CFAP57: variants seen among roughly 807,000 people sequenced by gnomAD.
CFAP57 encodes the protein cilia and flagella associated protein 57.
Under a neutral mutation model 146.8 loss-of-function variants are expected in CFAP57, and 116 were observed. The ratio of observed to expected loss-of-function variants is 0.79; its 90% CI spans 0.68 to 0.92. The LOEUF (loss-of-function observed/expected upper bound fraction) is 0.92. Ranked by LOEUF, CFAP57 falls within the 40% of genes least tolerant of loss-of-function variation. The pLI, the probability that CFAP57 is intolerant of heterozygous loss-of-function variation, is 0.00. For missense variants in CFAP57, 1,377 were observed against 1,527.2 expected (o/e 0.90, Z 1.64); for synonymous variants, 518 against 552.8 (o/e 0.94, Z 0.88).
At chr1:43,178,489 C>G (rs142602967) in intron 2 of CFAP57, among the ~76,000 whole-genome samples, 2,169 of 152,276 alleles carry the variant, frequency 0.014, 51 homozygotes, top group African/African-American at 0.05. Flanking sequence ...TGAACAGACA[C>G]TTCTCAAAAG....
rs144227313 is a variant in CFAP57, at chr1:43,185,457, C to T, written c.969+101C>T. 3.3e-3 allele frequency: 3,591 copies of T among 1,102,986 alleles called. 51 individuals carry two copies. Among genetic ancestry groups the T allele is most frequent in the South Asian group, 0.022 (1,663 of 76,408 alleles). The allele number at this position is 1,102,986 out of a possible 1,614,324, so 68.3% of individuals were successfully genotyped here. On this transcript the variant is annotated intron_variant, in intron 5 of 22. Transcript: ENST00000372492. Reference sequence around the variant, plus strand: ...AGGCATCTGATGGGGAGGGATAGGGCAGGATTGCTGAGCAGAAATGGTGAA... The same window carrying T: ...AGGCATCTGATGGGGAGGGATAGGGTAGGATTGCTGAGCAGAAATGGTGAA...
chr1:43,222,796 G>T, intron 15 of CFAP57, 28 bp from the exon 16 acceptor site: 1 of 1,512,776 alleles, frequency 6.6e-7, no homozygotes, highest in South Asian at 1.3e-5. Context: ...CTTCTCCCCT[G>T]ACCACACGCC....
chr1:43,209,302 C>T (rs1490903244), intron 10 of CFAP57, among the ~76,000 whole-genome samples: 6 of 152,156 alleles, frequency 3.9e-5, no homozygotes, highest in Non-Finnish European at 7.3e-5. Flanking sequence ...TGCACCCATG[C>T]ATAGCAGTCA....
intron 6 of CFAP57, among the ~76,000 whole-genome samples, chr1:43,195,259 C>T (rs940200428): frequency 6.6e-6 from 1 of 152,158 alleles, no homozygotes; most frequent in Non-Finnish European, 1.5e-5. Context: ...TGTGATGGCT[C>T]ACACCTATAA....
chr1:43,233,946 G>C (rs997835642), intron 19 of CFAP57, among the ~76,000 whole-genome samples: 1 of 152,136 alleles, frequency 6.6e-6, no homozygotes, highest in African/African-American at 2.4e-5. Context: ...GTGACCACAT[G>C]AGCTTCCTTT....
chr1:43,211,048 C>T (rs1644586521), intron 11 of CFAP57, among the ~76,000 whole-genome samples: 2 of 151,986 alleles, frequency 1.3e-5, no homozygotes, highest in Non-Finnish European at 2.9e-5. Context: ...TTGAATGACA[C>T]AGCACCTGAG....
At chr1:43,197,783 A>G in intron 7 of CFAP57, 91 bp downstream of exon 7, 3 of 1,540,890 alleles carry the variant, frequency 1.9e-6, no homozygotes, top group Non-Finnish European at 2.7e-6. Context: ...CCAAACTTTA[A>G]TTATTTAGAA....
chr1:43,222,208 T>C lies in CFAP57; in HGVS notation c.2445T>C (p.Asp815=). Residue 815 remains aspartate, a synonymous_variant, in exon 15 of 23, where the codon GAT becomes GAC. Transcript: ENST00000372492. The part of the protein sequence containing the change: ...MQEEYEKQLR[D]NDETKSQALE... Reference sequence around the variant, plus strand: ...AAGAGTATGAAAAACAGCTCCGGGATAACGATGAGACCAAGAGCCAGGCCC... The same window carrying C: ...AAGAGTATGAAAAACAGCTCCGGGACAACGATGAGACCAAGAGCCAGGCCC... 1 of 1,539,170 alleles carries C rather than the reference T, an allele frequency of 6.5e-7. No homozygotes were observed. Among genetic ancestry groups the C allele is most frequent in the South Asian group, 1.2e-5 (1 of 82,212 alleles).
chr1:43,203,955 T>G (rs61775868), intron 9 of CFAP57, among the ~76,000 whole-genome samples: 4,848 of 152,334 alleles, frequency 0.032, 115 homozygotes, highest in Non-Finnish European at 0.042. Flanking sequence ...CCTAGTGCTC[T>G]CATTACAGTA....
rs998587997 is a variant in CFAP57, at chr1:43,234,500, G to A, written c.3267G>A (p.Glu1089=). 6.5e-7 allele frequency: 1 copy of A among 1,548,464 alleles called. No individual in the cohort carries two copies. Among genetic ancestry groups the A allele is most frequent in the Non-Finnish European group, 8.7e-7 (1 of 1,145,778 alleles). The change falls in exon 21 of 23, where the codon GAG becomes GAA. Residue 1089 remains glutamate, a synonymous_variant. Transcript: ENST00000372492. The part of the protein sequence containing the change: ...EKYVQRADMV[E]IAGLNTDLQQ... ...AATCTCCTGGGCCCCGTCAGGTGGAGATCGCAGGGCTGAACACAGACCTGC... is the reference window on the plus strand; with the variant it reads ...AATCTCCTGGGCCCCGTCAGGTGGAAATCGCAGGGCTGAACACAGACCTGC...
intron 17 of CFAP57, 51 bp from the exon 18 acceptor site, chr1:43,226,932 G>T: frequency 1.4e-6 from 2 of 1,445,154 alleles, no homozygotes; most frequent in Non-Finnish European, 1.8e-6. Context: ...AAGGGCTGCA[G>T]TATACCAGGG....
chr1:43,197,123 G>GT (rs2124414113), intron 6 of CFAP57, among the ~76,000 whole-genome samples: 1 of 152,268 alleles, frequency 6.6e-6, no homozygotes, highest in Admixed American at 6.5e-5. Context: ...GGAGGCCAAG[G>GT]TGGGCGGATC....
intron 6 of CFAP57, among the ~76,000 whole-genome samples, chr1:43,187,186 A>C (rs1643183881): frequency 1.3e-5 from 2 of 152,234 alleles, no homozygotes; most frequent in East Asian, 3.8e-4. Flanking sequence ...ACAAATATGT[A>C]TATATAAAAA....
Position 43,254,061 on chromosome 1 carries a change from G to A in CFAP57, c.3623G>A (p.Arg1208His), listed in dbSNP as rs191428531. ...ACTGGGAGGATCATTGAAATGCAGCGCCTAGAAATCCAGCGCCTCAGAGAC... is the reference window on the plus strand; with the variant it reads ...ACTGGGAGGATCATTGAAATGCAGCACCTAGAAATCCAGCGCCTCAGAGAC... ...EETGRIIEMQ[R>H]LEIQRLRDQI... The change falls in exon 23 of 23, where the codon CGC (arginine) becomes CAC (histidine). Residue 1208 changes from arginine (R) to histidine (H), a missense_variant. Physicochemically the swap from Arg to His is conservative, Grantham distance 29. Transcript: ENST00000372492. 1.0e-4 allele frequency: 159 copies of A among 1,550,594 alleles called. No homozygotes were observed. Among genetic ancestry groups the A allele is most frequent in the East Asian group, 4.9e-4 (20 of 40,906 alleles).
intron 6 of CFAP57, among the ~76,000 whole-genome samples, chr1:43,191,731 C>G (rs1467616080): frequency 6.7e-6 from 1 of 149,718 alleles, no homozygotes; most frequent in Non-Finnish European, 1.5e-5. Flanking sequence ...TTGCTATTCT[C>G]TATTTCATTA....
chr1:43,184,160 C>T (rs926089258), intron 4 of CFAP57, among the ~76,000 whole-genome samples: 13 of 151,996 alleles, frequency 8.6e-5, no homozygotes, highest in African/African-American at 2.7e-4. Flanking sequence ...ATATATTTTC[C>T]AGTGGCTAAT....
rs1407376036 is a variant in CFAP57, at chr1:43,172,336, G to T, written c.-137G>T. ...GCTTCCGGCGGCAAACCATACTTCC[G>T]GTTTGTCGTTGCTATAGGAACCGCT... On this transcript the variant is annotated 5_prime_UTR_variant, in exon 1 of 23. Coordinates refer to ENST00000372492, the MANE Select transcript of CFAP57 (RefSeq NM_001378189.1). The T allele has an allele frequency of 6.4e-7, 1 of 1,551,598 alleles. No individual in the cohort carries two copies. Among genetic ancestry groups the T allele is most frequent in the Non-Finnish European group, 8.7e-7 (1 of 1,146,980 alleles).
intron 22 of CFAP57, among the ~76,000 whole-genome samples, chr1:43,245,376 C>T (rs149362794): frequency 7.3e-5 from 11 of 151,336 alleles, no homozygotes; most frequent in Admixed American, 2.0e-4. Flanking sequence ...AACAAATATT[C>T]ATTTGAGACC....
chr1:43,230,809 G>A (rs974934425), intron 18 of CFAP57, among the ~76,000 whole-genome samples: 3 of 152,194 alleles, frequency 2.0e-5, no homozygotes, highest in Non-Finnish European at 4.4e-5. Flanking sequence ...TACTCCACCT[G>A]AATTTCTGAT....
Sources: allele counts gnomAD v4.1 joint callset (sites outside exome capture counted in the v4.1 genomes callset), GRCh38; gene constraint gnomAD v4.1.1; transcripts MANE v1.5; gene names NCBI Gene and HGNC (gene_info 2026-07-23, HGNC 2026-07-21).